Variants in MARCHF2 observed in about 807,000 individuals in gnomAD.
MARCHF2 encodes the protein membrane associated ring-CH-type finger 2.
Under a neutral mutation model 24.0 loss-of-function variants are expected in MARCHF2, and 22 were observed. The ratio of observed to expected loss-of-function variants is 0.92; its 90% CI spans 0.66 to 1.31. The LOEUF is 1.31. Ranked by LOEUF, MARCHF2 falls within the 50% of genes most tolerant of loss-of-function variation. The probability of loss-of-function intolerance (pLI) is 0.00; values close to 1 mark genes in which losing one functional copy is unlikely to be tolerated. For synonymous variants in MARCHF2, 154 were observed against 153.0 expected, an observed-to-expected ratio of 1.01 and a Z score of -0.05; for missense variants, 301 against 335.3, an observed-to-expected ratio of 0.90 and a Z score of 0.80.
intron 2 of MARCHF2, among the ~76,000 whole-genome samples, chr19:8,423,047 A>C: frequency 4.6e-5 from 2 of 43,380 alleles, no homozygotes; most frequent in Non-Finnish European, 9.4e-5. Flanking sequence ...TCTTCTCTGA[A>C]TTTGTTTTTT....
intron 1 of MARCHF2, among the ~76,000 whole-genome samples, chr19:8,420,481 A>AGCTGAGATCGTGCC (rs1967206347): frequency 6.7e-6 from 1 of 149,160 alleles, no homozygotes; most frequent in Non-Finnish European, 1.5e-5. Flanking sequence ...GGTTGCAGTG[A>AGCTGAGATCGTGCC]GCTGAGATCG....
In MARCHF2 at chr19:8,430,615, T is replaced by G; in HGVS notation, c.373-43T>G. 1.3e-6 allele frequency: 2 copies of G among 1,548,894 alleles called. No homozygotes were observed. Among genetic ancestry groups the G allele is most frequent in the Non-Finnish European group, 1.8e-6 (2 of 1,133,740 alleles). ...CTTACCCCTCCCCCTCAGTAGCCCC[T>G]TCTCTGCCCCCTCTCCTCTGCCCCC... On this transcript the variant is annotated intron_variant, in intron 3 of 4. Transcript: ENST00000215555. This position sits in a 1 kb window ranked among gnomAD's most constrained non-coding sequence, Gnocchi z 4.4.
intron 4 of MARCHF2, among the ~76,000 whole-genome samples, chr19:8,431,135 G>C (rs1967572011): frequency 6.6e-6 from 1 of 152,162 alleles, no homozygotes; most frequent in African/African-American, 2.4e-5. Flanking sequence ...GATTAGGAGT[G>C]GGGCAGAGAG....
At chr19:8,420,167 A>AT (rs1967195733) in intron 1 of MARCHF2, among the ~76,000 whole-genome samples, 1 of 141,272 alleles carries the variant, frequency 7.1e-6, no homozygotes, top group Non-Finnish European at 1.6e-5. Context: ...CAAAAAATAA[A>AT]TAAATAAATA....
intron 4 of MARCHF2, among the ~76,000 whole-genome samples, chr19:8,436,991 T>C (rs994029208): frequency 1.3e-5 from 1 of 77,442 alleles, no homozygotes; most frequent in African/African-American, 3.3e-5. Context: ...CGCCCAGCAT[T>C]TTTTTTTTTT....
At chr19:8,421,715 C>A in intron 1 of MARCHF2, 74 bp from the exon 2 acceptor site, 1 of 773,740 alleles carries the variant, frequency 1.3e-6, no homozygotes, top group Non-Finnish European at 2.0e-6. Context: ...ACAGCCTTGA[C>A]AAGAGGGGAC....
intron 2 of MARCHF2, 90 bp downstream of exon 2, chr19:8,422,106 A>G (rs1967264285): frequency 7.1e-7 from 1 of 1,412,684 alleles, no homozygotes; most frequent in African/African-American, 1.4e-5. Flanking sequence ...TAGAAGTCCA[A>G]CCGTTGACAG....
intron 4 of MARCHF2, among the ~76,000 whole-genome samples, chr19:8,435,897 C>T (rs527438148): frequency 1.1e-4 from 16 of 150,620 alleles, no homozygotes; most frequent in African/African-American, 3.9e-4. Context: ...TTCTTTGTCA[C>T]CCAGGCTGCA....
At chr19:8,428,486 T>C (rs1022320956) in intron 3 of MARCHF2, among the ~76,000 whole-genome samples, 1 of 148,620 alleles carries the variant, frequency 6.7e-6, no homozygotes, top group African/African-American at 2.5e-5. Flanking sequence ...AAACTCTGTC[T>C]CAAACGATGA....
chr19:8,417,525 T>C (rs954012862), intron 1 of MARCHF2, among the ~76,000 whole-genome samples: 1 of 151,326 alleles, frequency 6.6e-6, no homozygotes, highest in African/African-American at 2.4e-5. Flanking sequence ...GCAAACTCCA[T>C]CTCTCAGGTT....
chr19:8,436,267 T>C (rs922614208), intron 4 of MARCHF2, among the ~76,000 whole-genome samples: 3 of 151,990 alleles, frequency 2.0e-5, no homozygotes, highest in Non-Finnish European at 4.4e-5. Flanking sequence ...CCCGAGTAGC[T>C]GGGACTACAG....
At chr19:8,415,721 C>CAAAAAAAAAAAAAAAAAAAAAAAAAA (rs1309501077) in intron 1 of MARCHF2, among the ~76,000 whole-genome samples, 1 of 17,844 alleles carries the variant, frequency 5.6e-5, no homozygotes, top group Non-Finnish European at 1.1e-4. Flanking sequence ...AACTCCATCT[C>CAAAAAAAAAAAAAAAAAAAAAAAAAA]AAAAAAAAAA....
At chr19:8,414,529 A>G (rs1967028772) in intron 1 of MARCHF2, among the ~76,000 whole-genome samples, 1 of 152,132 alleles carries the variant, frequency 6.6e-6, no homozygotes, top group African/African-American at 2.4e-5. Context: ...TTGAACTCCC[A>G]AAGTGCACAA....
chr19:8,433,690 A>G (rs1967638910), intron 4 of MARCHF2, among the ~76,000 whole-genome samples: 1 of 150,196 alleles, frequency 6.7e-6, no homozygotes, highest in African/African-American at 2.4e-5. Flanking sequence ...AAAAAAAAAA[A>G]AAAGAAAAGA....
At chr19:8,416,012 C>G (rs1280083739) in intron 1 of MARCHF2, among the ~76,000 whole-genome samples, 1 of 152,006 alleles carries the variant, frequency 6.6e-6, no homozygotes, top group Non-Finnish European at 1.5e-5. Context: ...AGATGTGGCT[C>G]TCTCACGCTG....
intron 1 of MARCHF2, 87 bp from the exon 2 acceptor site, chr19:8,421,702 C>T (rs903932184): frequency 3.0e-6 from 2 of 667,098 alleles, no homozygotes; most frequent in Admixed American, 6.4e-5. Flanking sequence ...TCTAGTGGTC[C>T]CTACAGCCTT....
At chr19:8,415,755 A>AAAAAAAAAAAAAAAAG (rs1967071398) in intron 1 of MARCHF2, among the ~76,000 whole-genome samples, 1 of 120,518 alleles carries the variant, frequency 8.3e-6, no homozygotes. Context: ...AAAAAAAAAA[A>AAAAAAAAAAAAAAAAG]CCAGACAAAA....
intron 3 of MARCHF2, among the ~76,000 whole-genome samples, chr19:8,427,375 T>G (rs58761784): frequency 2.6e-5 from 4 of 151,706 alleles, no homozygotes; most frequent in African/African-American, 4.8e-5. Flanking sequence ...AGAGATTTCC[T>G]GGGCACCTCC....
At chr19:8,419,362 C>T (rs1201363637) in intron 1 of MARCHF2, among the ~76,000 whole-genome samples, 2 of 152,030 alleles carry the variant, frequency 1.3e-5, no homozygotes, top group East Asian at 1.9e-4. Flanking sequence ...GGCATGGTGG[C>T]GCATGCCTGT....
Sources: gnomAD v4.1 joint callset for allele counts (sites outside exome capture counted in the v4.1 genomes callset) on GRCh38, gnomAD v4.1.1 for gene constraint, Gnocchi (gnomAD v3.1) non-coding constraint, MANE v1.5 for transcripts, NCBI Gene and HGNC (gene_info 2026-07-23, HGNC 2026-07-21) for gene names.